The following NCKAP5 variants were observed in gnomAD, a reference collection of about 807,000 sequenced individuals.
NCKAP5 encodes NCK associated protein 5.
In NCKAP5, 92 loss-of-function variants were observed where a neutral mutation model predicts 167.0. The observed-to-expected ratio is 0.55, with a 90% CI of 0.47 to 0.66. NCKAP5 has a LOEUF of 0.66. Among genes scored for constraint, NCKAP5 ranks in the 30% least tolerant of loss-of-function variants. The pLI is 0.00. For synonymous variants in NCKAP5, 891 were observed against 877.4 expected (o/e 1.02, Z -0.27); for missense variants, 2,378 against 2,315.0 (o/e 1.03, Z -0.56).
intron 3 of NCKAP5, among the ~76,000 whole-genome samples, chr2:133,420,761 A>C (rs541660834): frequency 3.3e-5 from 5 of 152,238 alleles, no homozygotes; most frequent in African/African-American, 1.2e-4. Flanking sequence ...AGGAGGTTTT[A>C]TTCTGTCCAT....
At chr2:132,801,159 G>A (rs894653091) in intron 11 of NCKAP5, among the ~76,000 whole-genome samples, 1 of 152,180 alleles carries the variant, frequency 6.6e-6, no homozygotes, top group Non-Finnish European at 1.5e-5. Context: ...AACCTTGGAA[G>A]CCACTTGTTG....
chr2:133,062,909 T>G (rs1450566855), intron 6 of NCKAP5, among the ~76,000 whole-genome samples: 8 of 152,122 alleles, frequency 5.3e-5, no homozygotes, highest in African/African-American at 1.9e-4. Flanking sequence ...ATAACGAGAT[T>G]AAATTATCAG....
chr2:133,276,574 T>C (rs1175127187), intron 4 of NCKAP5, among the ~76,000 whole-genome samples: 1 of 150,296 alleles, frequency 6.7e-6, no homozygotes, highest in Non-Finnish European at 1.5e-5. Flanking sequence ...AAAAAAAAAA[T>C]ACCACCCCAC....
intron 16 of NCKAP5, among the ~76,000 whole-genome samples, chr2:132,757,289 C>T (rs1389973939): frequency 1.3e-5 from 2 of 152,172 alleles, no homozygotes; most frequent in African/African-American, 2.4e-5. Context: ...TTAAGACTGA[C>T]ATTGATAAGT....
At position 133,041,123 on chromosome 2, in the gene NCKAP5, A is replaced by T. The variant is rs60165130; in HGVS notation, c.342-46884T>A. ...AGTTTTGCACATTTAATGGACTACA[A>T]ATGTGTATTCCACATGGGGTGACAG... On this transcript the variant is annotated intron_variant, in intron 6 of 19. Transcript: ENST00000409261. 2.1e-3 allele frequency among the ~76,000 whole-genome samples: 322 copies of T among 152,284 alleles called. 3 individuals carry two copies. Among genetic ancestry groups the T allele is most frequent in the African/African-American group, 6.9e-3 (286 of 41,560 alleles).
rs577477269 is a variant in NCKAP5 at position 133,158,501 on chromosome 2, T to G, written c.208-28390A>C. Among the ~76,000 whole-genome samples the G allele has an allele frequency of 8.7e-4, 133 of 152,306 alleles. 1 individual carries two copies. The highest frequency in any genetic ancestry group is 2.8e-3 in the African/African-American group (118 of 41,570). ...TCATTCACTTGCTTGTTCAAAAATATCACTGAGATTTTGTGTTGGACACAT... is the reference window on the plus strand; with the variant it reads ...TCATTCACTTGCTTGTTCAAAAATAGCACTGAGATTTTGTGTTGGACACAT... On this transcript the variant is annotated intron_variant, in intron 5 of 19. Transcript: ENST00000409261.
At position 133,283,540 on chromosome 2, in the gene NCKAP5, A is replaced by T. The variant is rs188949149; in HGVS notation, c.143+19497T>A. ...TTAATTTTATTTCTGTAATCTTTAA[A>T]TGTAAGCGCTACAGTTCACATTTTT... is the stretch of plus-strand genomic sequence containing the variant. On this transcript the variant is annotated intron_variant, in intron 4 of 19. Coordinates refer to ENST00000409261, the MANE Select transcript of NCKAP5 (RefSeq NM_207363.3). Among the ~76,000 whole-genome samples the T allele has an allele frequency of 3.5e-4, 53 of 152,278 alleles. No individual in the cohort carries two copies. In the East Asian group the frequency reaches 9.4e-3, roughly 27 times the overall value.
At chr2:132,839,346 C>T (rs1437339027) in intron 11 of NCKAP5, among the ~76,000 whole-genome samples, 1 of 152,060 alleles carries the variant, frequency 6.6e-6, no homozygotes, top group African/African-American at 2.4e-5. Flanking sequence ...TCATGTGGTA[C>T]AAGATAACCA....
At chr2:133,551,228 A>G (rs2104954999) in intron 2 of NCKAP5, among the ~76,000 whole-genome samples, 1 of 151,890 alleles carries the variant, frequency 6.6e-6, no homozygotes, top group Admixed American at 6.5e-5. Context: ...TTCTTCACAG[A>G]ATTGGAAAAA....
the NCKAP5 span, among the ~76,000 whole-genome samples, chr2:133,647,330 G>A: frequency 5.5e-5 from 7 of 126,620 alleles, no homozygotes; most frequent in African/African-American, 2.3e-4. Flanking sequence ...GAGCAAGACC[G>A]AAAAAAGAAA....
At chr2:133,001,145 G>A (rs1431729341) in intron 6 of NCKAP5, among the ~76,000 whole-genome samples, 2 of 151,450 alleles carry the variant, frequency 1.3e-5, no homozygotes, top group Admixed American at 1.3e-4. Flanking sequence ...CAAAAAAAGA[G>A]AACTGTAAAC....
At chr2:133,072,412 T>C (rs1439589221) in intron 6 of NCKAP5, among the ~76,000 whole-genome samples, 2 of 152,182 alleles carry the variant, frequency 1.3e-5, no homozygotes, top group Admixed American at 6.5e-5. Flanking sequence ...CTCTCCAGAC[T>C]GGAACAGGTG....
chr2:132,869,223 C>T (rs1386681936), intron 9 of NCKAP5, among the ~76,000 whole-genome samples: 2 of 152,170 alleles, frequency 1.3e-5, no homozygotes, highest in African/African-American at 4.8e-5. Context: ...CATACCTTGA[C>T]TTTCACATTT....
chr2:133,148,651 T>C (rs950250057), intron 5 of NCKAP5, among the ~76,000 whole-genome samples: 2 of 152,116 alleles, frequency 1.3e-5, no homozygotes, highest in Non-Finnish European at 2.9e-5. Context: ...AACTTGCCAG[T>C]CCATTCAGTT....
chr2:133,490,846 T>C (rs377507560), intron 3 of NCKAP5, among the ~76,000 whole-genome samples: 11 of 152,240 alleles, frequency 7.2e-5, no homozygotes, highest in African/African-American at 2.7e-4. Context: ...AAGTTTTCTT[T>C]GTGGACTCCA....
chr2:133,488,280 TG>T (rs1484643447), intron 3 of NCKAP5, among the ~76,000 whole-genome samples: 4 of 152,166 alleles, frequency 2.6e-5, no homozygotes, highest in Admixed American at 1.3e-4. Context: ...ATATCATCTT[TG>T]ATGAAAAGCA....
chr2:133,600,073 C>G, the NCKAP5 span, among the ~76,000 whole-genome samples: 1 of 152,228 alleles, frequency 6.6e-6, no homozygotes, highest in Admixed American at 6.5e-5. Flanking sequence ...AACAATGCCA[C>G]TCAGCTCATC....
At chr2:133,108,824 G>C (rs1312010420) in intron 6 of NCKAP5, among the ~76,000 whole-genome samples, 5 of 152,170 alleles carry the variant, frequency 3.3e-5, no homozygotes, top group African/African-American at 7.2e-5. Context: ...ACTTAGCATA[G>C]AGTCCTCTAG....
chr2:133,111,285 T>C (rs1213649302), intron 6 of NCKAP5, among the ~76,000 whole-genome samples: 1 of 152,194 alleles, frequency 6.6e-6, no homozygotes, highest in Non-Finnish European at 1.5e-5. Context: ...ATTGTTGCTG[T>C]AGACCTGCCA....
Sources: gnomAD v4.1 joint callset for allele counts (sites outside exome capture counted in the v4.1 genomes callset) on GRCh38, gnomAD v4.1.1 for gene constraint, MANE v1.5 for transcripts, NCBI Gene and HGNC (gene_info 2026-07-23, HGNC 2026-07-21) for gene names.